The following EXOC4 variants were observed in gnomAD, a reference collection of about 807,000 sequenced individuals.
EXOC4 encodes the protein exocyst complex component 4.
A neutral mutation model predicts 107.2 loss-of-function variants in EXOC4; 71 were observed. The ratio of observed to expected loss-of-function variants is 0.66; its 90% confidence interval spans 0.55 to 0.81. The LOEUF is 0.81. Among genes scored for constraint, EXOC4 ranks in the 30% least tolerant of loss-of-function variants. The pLI is 0.00. For missense variants in EXOC4, 1,108 were observed against 1,189.6 expected, an observed-to-expected ratio of 0.93 and a Z score of 1.01; for synonymous variants, 456 against 441.2, an observed-to-expected ratio of 1.03 and a Z score of -0.42.
intron 5 of EXOC4, among the ~76,000 whole-genome samples, chr7:133,343,305 C>G (rs1330784598): frequency 6.6e-6 from 1 of 152,034 alleles, no homozygotes; most frequent in Admixed American, 6.6e-5. Flanking sequence ...CTGGGTCTGG[C>G]CACCCAGCAG....
At chr7:134,082,047 G>T in the EXOC4 span, among the ~76,000 whole-genome samples, 108 of 152,294 alleles carry the variant, frequency 7.1e-4, 1 homozygote, top group Middle Eastern at 3.4e-3. Flanking sequence ...CCAAGAGAGG[G>T]TTCTTGGATC....
Position 133,305,927 on chromosome 7 carries a change from G to A in EXOC4, c.522G>A (p.Leu174=). The A allele has an allele frequency of 1.2e-6, 2 of 1,613,342 alleles. No homozygotes were observed. The highest frequency in any genetic ancestry group is 1.1e-5 in the South Asian group (1 of 90,916). The part of the protein sequence containing the change: ...LEGPLLQVEG[L]SDLRLELHSK... Reference sequence around the variant, plus strand: ...GCCCCCTGCTCCAGGTGGAAGGACTGAGTGACCTTCGACTAGAGCTTCACA... The same window carrying A: ...GCCCCCTGCTCCAGGTGGAAGGACTAAGTGACCTTCGACTAGAGCTTCACA... Residue 174 remains leucine (L), a synonymous_variant, in exon 4 of 18, where the codon CTG becomes CTA. Transcript: ENST00000253861.
At chr7:134,039,262 A>G (rs950876799) in intron 17 of EXOC4, among the ~76,000 whole-genome samples, 4 of 152,184 alleles carry the variant, frequency 2.6e-5, no homozygotes, top group African/African-American at 7.2e-5. Flanking sequence ...CTTGGAGTGC[A>G]TGATAAAGCT....
rs983726740 is a variant in EXOC4 at position 133,685,350 on chromosome 7, C to T, written c.1514+55209C>T. Among the ~76,000 whole-genome samples, 8 of 152,072 alleles carry T rather than the reference C, an allele frequency of 5.3e-5. No individual in the cohort carries two copies. In the South Asian group the frequency reaches 1.0e-3, roughly 20 times the overall value. ...TCTAAAGGGCTCTTCCCCCTTTGCT[C>T]GGCACTTATCCTTCCTGATGCCTTG... On this transcript the variant is annotated intron_variant, in intron 10 of 17. Transcript: ENST00000253861.
At chr7:134,074,478 T>C in the EXOC4 span, among the ~76,000 whole-genome samples, 6 of 152,246 alleles carry the variant, frequency 3.9e-5, no homozygotes, top group Non-Finnish European at 8.8e-5. Context: ...TGGCATCAAT[T>C]ACTTTCTCAA....
chr7:133,977,685 T>A (rs1793871092), intron 14 of EXOC4, among the ~76,000 whole-genome samples: 1 of 152,026 alleles, frequency 6.6e-6, no homozygotes, highest in Non-Finnish European at 1.5e-5. Flanking sequence ...TTGTTGTGGT[T>A]TATTTGTTTG....
chr7:134,094,166 A>T, the EXOC4 span, among the ~76,000 whole-genome samples: 15 of 152,182 alleles, frequency 9.9e-5, no homozygotes, highest in Non-Finnish European at 1.6e-4. Flanking sequence ...CAAGATTAAT[A>T]ATCTGCTAGC....
intron 7 of EXOC4, among the ~76,000 whole-genome samples, chr7:133,402,965 A>G (rs1256852490): frequency 6.7e-6 from 1 of 149,182 alleles, no homozygotes; most frequent in African/African-American, 2.5e-5. Context: ...GCTCACTGCA[A>G]CCTCTGACTC....
At chr7:133,564,510 T>G (rs1800869928) in intron 9 of EXOC4, among the ~76,000 whole-genome samples, 1 of 152,182 alleles carries the variant, frequency 6.6e-6, no homozygotes, top group Admixed American at 6.6e-5. Flanking sequence ...GCTCCTATTT[T>G]TTTTGTTCTC....
At chr7:133,908,857 C>CT (rs1585240728) in intron 12 of EXOC4, among the ~76,000 whole-genome samples, 1 of 152,064 alleles carries the variant, frequency 6.6e-6, no homozygotes, top group East Asian at 1.9e-4. Context: ...TATTATCATA[C>CT]TTTAAGTGCT....
In EXOC4 at chr7:133,389,416, CA is replaced by C. The variant is rs1442823995; in HGVS notation, c.1182+14421del. 2.0e-5 allele frequency among the ~76,000 whole-genome samples: 3 copies of C among 151,310 alleles called. No homozygotes were observed. The East Asian group carries it at 5.8e-4, about 29-fold the overall frequency. ...TGAAACCCTGTCTCTACTAAAAATACAAAAAAACTAGCCGGGTGTGGTGGTG... is the reference window on the plus strand; with the variant it reads ...TGAAACCCTGTCTCTACTAAAAATACAAAAAACTAGCCGGGTGTGGTGGTG... On this transcript the variant is annotated intron_variant, in intron 7 of 17. Coordinates refer to ENST00000253861, the MANE Select transcript of EXOC4 (RefSeq NM_021807.4).
chr7:133,953,390 G>A (rs929471977), intron 14 of EXOC4, among the ~76,000 whole-genome samples: 2 of 152,016 alleles, frequency 1.3e-5, no homozygotes, highest in African/African-American at 2.4e-5. Context: ...TTGAGCCCAG[G>A]AGTTTGAGAC....
At chr7:133,659,279 A>C (rs1414797262) in intron 10 of EXOC4, among the ~76,000 whole-genome samples, 2 of 152,026 alleles carry the variant, frequency 1.3e-5, no homozygotes, top group African/African-American at 4.8e-5. Context: ...CAGCTATTTC[A>C]TAGAGTTGCT....
At chr7:133,787,314 GCAC>G (rs1585144702) in intron 10 of EXOC4, among the ~76,000 whole-genome samples, 2 of 150,588 alleles carry the variant, frequency 1.3e-5, no homozygotes, top group East Asian at 3.9e-4. Flanking sequence ...CCACAAGCGT[GCAC>G]CACCACAATA....
chr7:133,450,260 C>T (rs1295994741), intron 7 of EXOC4, among the ~76,000 whole-genome samples: 3 of 152,092 alleles, frequency 2.0e-5, no homozygotes, highest in Non-Finnish European at 4.4e-5. Flanking sequence ...AACTCTTCGG[C>T]TCAAGCAATC....
At chr7:133,754,498 A>G (rs954661802) in intron 10 of EXOC4, among the ~76,000 whole-genome samples, 2 of 152,154 alleles carry the variant, frequency 1.3e-5, no homozygotes, top group African/African-American at 4.8e-5. Context: ...TTAAATAAGA[A>G]GAGAACTGGG....
intron 9 of EXOC4, among the ~76,000 whole-genome samples, chr7:133,503,281 A>G (rs1563089523): frequency 6.6e-6 from 1 of 152,116 alleles, no homozygotes; most frequent in African/African-American, 2.4e-5. Flanking sequence ...GAGTTATTTT[A>G]AAAAACATCT....
At chr7:133,449,455 C>G (rs1350863054) in intron 7 of EXOC4, among the ~76,000 whole-genome samples, 1 of 152,192 alleles carries the variant, frequency 6.6e-6, no homozygotes. Context: ...TGAACTGTCT[C>G]AAGTTTTTTT....
intron 10 of EXOC4, among the ~76,000 whole-genome samples, chr7:133,677,005 G>C (rs566279267): frequency 1.4e-5 from 2 of 146,890 alleles, no homozygotes; most frequent in African/African-American, 5.0e-5. Flanking sequence ...AATCACCAAG[G>C]CTTCAGAGTT....
Sources: allele counts gnomAD v4.1 joint callset (sites outside exome capture counted in the v4.1 genomes callset), GRCh38; gene constraint gnomAD v4.1.1; transcripts MANE v1.5; gene names NCBI Gene and HGNC (gene_info 2026-07-23, HGNC 2026-07-21).